The following ZDHHC11B variants were observed in gnomAD, a reference collection of about 807,000 sequenced individuals.
The protein encoded by ZDHHC11B is probable palmitoyltransferase ZDHHC11B.
In ZDHHC11B, 17 loss-of-function variants were observed where a neutral mutation model predicts 42.3. The ratio of observed to expected loss-of-function variants is 0.40; its 90% confidence interval spans 0.27 to 0.60. The LOEUF (loss-of-function observed/expected upper bound fraction) is 0.60. Ranked by LOEUF, ZDHHC11B falls within the 20% of genes least tolerant of loss-of-function variation. ZDHHC11B has a pLI of 0.41. For synonymous variants in ZDHHC11B, 123 were observed against 193.5 expected (o/e 0.64, Z 3.02); for missense variants, 262 against 463.2 (o/e 0.57, Z 3.99).
chr5:717,377 G>C (rs1371537805), intron 12 of ZDHHC11B, among the ~76,000 whole-genome samples: 9 of 151,784 alleles, frequency 5.9e-5, no homozygotes, highest in East Asian at 1.9e-4. Flanking sequence ...TGTGTGCTGG[G>C]CAGCTGGCAG....
chr5:766,303 C>A lies in ZDHHC11B; in HGVS notation c.222+395G>T, dbSNP rs1735355868. ...TGGGAGACGGGAGCAGACCCGGGAC[C>A]CCTGCCGCTGGAAGATGGGAGCAGA... On this transcript the variant is annotated intron_variant, in intron 4 of 13. Transcript: ENST00000508859. 2.9e-5 allele frequency among the ~76,000 whole-genome samples: 2 copies of A among 69,418 alleles called. 1 individual carries two copies. Among genetic ancestry groups the A allele is most frequent in the Admixed American group, 3.5e-4 (2 of 5,752 alleles). 45.5% of individuals were successfully genotyped at this position (69,418 alleles called of 152,430 possible). A position where few individuals can be genotyped will look rare whatever the true frequency, so the allele number is the denominator to read the frequency against.
intron 11 of ZDHHC11B, among the ~76,000 whole-genome samples, chr5:731,612 A>G (rs432648): frequency 0.023 from 3,311 of 144,666 alleles, 134 homozygotes; most frequent in African/African-American, 0.086. Context: ...TATTCTGGAT[A>G]AAAGTATATG....
At chr5:752,691 G>A (rs554292084) in intron 6 of ZDHHC11B, among the ~76,000 whole-genome samples, 1 of 95,856 alleles carries the variant, frequency 1.0e-5, no homozygotes, top group East Asian at 4.2e-4. Context: ...CCAGGGGTGA[G>A]GGGTGGCTCC....
intron 4 of ZDHHC11B, among the ~76,000 whole-genome samples, chr5:758,564 G>A (rs1478602136): frequency 7.9e-5 from 12 of 151,668 alleles, no homozygotes; most frequent in Admixed American, 2.0e-4. Context: ...GGCAAACCCC[G>A]TGGAGCTGCC....
chr5:778,622 G>A lies in ZDHHC11B; in HGVS notation c.-230+6046C>T, dbSNP rs749196900. Among the ~76,000 whole-genome samples, 741 of 152,130 alleles carry A rather than the reference G, an allele frequency of 4.9e-3. 3 individuals carry two copies. The highest frequency in any genetic ancestry group is 0.01 in the Middle Eastern group (3 of 294). ...GGTCCAGGGCACCTGCAGGCAGCTG[G>A]GACCAGGCCAGCTCTGGGCCAATGG... is the stretch of plus-strand genomic sequence containing the variant. On this transcript the variant is annotated intron_variant, in intron 1 of 13. Coordinates refer to ENST00000508859, the MANE Select transcript of ZDHHC11B (RefSeq NM_001351303.2).
intron 1 of ZDHHC11B, among the ~76,000 whole-genome samples, chr5:773,652 G>A (rs1736234093): frequency 6.6e-6 from 1 of 151,828 alleles, no homozygotes; most frequent in Admixed American, 6.6e-5. Flanking sequence ...GGAGGGACGT[G>A]CCCAGCCCTG....
intron 4 of ZDHHC11B, among the ~76,000 whole-genome samples, chr5:757,362 A>G (rs1220776683): frequency 6.6e-6 from 1 of 151,958 alleles, no homozygotes; most frequent in African/African-American, 2.4e-5. Context: ...TAGGGATTTT[A>G]GCAGAAGGCT....
rs190165271 is a variant in ZDHHC11B, at chr5:745,353, G to A, written c.785-55C>T. On this transcript the variant is annotated intron_variant, in intron 8 of 13. Transcript: ENST00000508859. ...GTTACCAGCCCTGCGGCTTTGCACGGCGCCCACAGGACAGCTCAGCAGGGT... is the reference window on the plus strand; with the variant it reads ...GTTACCAGCCCTGCGGCTTTGCACGACGCCCACAGGACAGCTCAGCAGGGT... 1.7e-4 allele frequency: 255 copies of A among 1,508,230 alleles called. 11 individuals carry two copies. In the African/African-American group the frequency reaches 2.8e-3, roughly 16 times the overall value. 93.4% of individuals were successfully genotyped at this position (1,508,230 alleles called of 1,614,324 possible). A position where few individuals can be genotyped will look rare whatever the true frequency, so the allele number is the denominator to read the frequency against.
intron 4 of ZDHHC11B, among the ~76,000 whole-genome samples, chr5:764,506 G>A (rs1735022829): frequency 6.6e-6 from 1 of 151,916 alleles, no homozygotes; most frequent in Non-Finnish European, 1.5e-5. Context: ...TAGCACCTAG[G>A]CCAGCAGCTG....
intron 8 of ZDHHC11B, 42 bp downstream of exon 8, chr5:748,362 A>C (rs3817066): frequency 0.59 from 603,583 of 1,023,218 alleles, 241,973 homozygotes; most frequent in East Asian, 0.96. Context: ...GCTCTGACCA[A>C]CCAGGCTTGG....
At chr5:765,852 C>T (rs1735244944) in intron 4 of ZDHHC11B, among the ~76,000 whole-genome samples, 1 of 151,930 alleles carries the variant, frequency 6.6e-6, no homozygotes, top group South Asian at 2.1e-4. Flanking sequence ...CCGCGAGGGT[C>T]TGCGGCTTCA....
chr5:773,356 C>A (rs371474844), intron 1 of ZDHHC11B, among the ~76,000 whole-genome samples: 3 of 151,840 alleles, frequency 2.0e-5, no homozygotes, highest in Non-Finnish European at 4.4e-5. Context: ...GCTCTTTCAC[C>A]GTGAGGGAAA....
At chr5:757,936 G>T (rs1388619873) in intron 4 of ZDHHC11B, among the ~76,000 whole-genome samples, 1 of 151,826 alleles carries the variant, frequency 6.6e-6, no homozygotes, top group Non-Finnish European at 1.5e-5. Flanking sequence ...TCCCACCATG[G>T]TAGAGGAGAG....
intron 1 of ZDHHC11B, among the ~76,000 whole-genome samples, chr5:775,287 G>A (rs1274484722): frequency 4.6e-5 from 7 of 151,910 alleles, no homozygotes; most frequent in African/African-American, 7.3e-5. Flanking sequence ...CCCAGAGCTC[G>A]CTCCCAGGCA....
chr5:748,595 C>G (rs557619429), intron 7 of ZDHHC11B, 36 bp from the exon 8 acceptor site: 1 of 1,345,454 alleles, frequency 7.4e-7, no homozygotes, highest in Non-Finnish European at 9.9e-7. Context: ...TGTCCAGCAC[C>G]TGCTGACGGG....
chr5:753,128 C>T (rs1366747434), intron 6 of ZDHHC11B, among the ~76,000 whole-genome samples: 4 of 129,802 alleles, frequency 3.1e-5, no homozygotes, highest in Non-Finnish European at 5.2e-5. Flanking sequence ...GCCTTCTTTC[C>T]GTCCCCCTTC....
intron 1 of ZDHHC11B, among the ~76,000 whole-genome samples, chr5:772,886 T>C (rs1379203639): frequency 6.6e-6 from 1 of 151,814 alleles, no homozygotes; most frequent in Non-Finnish European, 1.5e-5. Flanking sequence ...GTTCTTGTAG[T>C]TTTGTTTTAC....
chr5:751,422 T>G (rs1579350259), intron 6 of ZDHHC11B, among the ~76,000 whole-genome samples, 165 bp from the exon 7 acceptor site: 3 of 26,902 alleles, frequency 1.1e-4, no homozygotes, highest in African/African-American at 3.0e-4. Context: ...GTGGGACAGG[T>G]GTGGGGGCGG....
intron 6 of ZDHHC11B, among the ~76,000 whole-genome samples, chr5:754,399 A>G (rs72503640): frequency 0.12 from 2,939 of 24,648 alleles, 23 homozygotes; most frequent in African/African-American, 0.29. Context: ...TGCCTCCACC[A>G]TGCTCAGGAG....
Sources: allele counts gnomAD v4.1 joint callset (sites outside exome capture counted in the v4.1 genomes callset), GRCh38; gene constraint gnomAD v4.1.1; transcripts MANE v1.5; gene names NCBI Gene and HGNC (gene_info 2026-07-23, HGNC 2026-07-21).